Variants in SLC8B1 observed in about 807,000 individuals in gnomAD.
SLC8B1 encodes the protein solute carrier family 8 member B1, also known as mitochondrial sodium/calcium exchanger protein.
A neutral mutation model predicts 63.4 loss-of-function variants in SLC8B1; 52 were observed. That is an observed-to-expected ratio of 0.82 (90% CI 0.66 to 1.03). The LOEUF is 1.03. SLC8B1 is among the 50% of genes least tolerant of loss of function. The pLI is 0.00. For missense variants in SLC8B1, 657 were observed against 741.7 expected, an observed-to-expected ratio of 0.89 and a Z score of 1.33; for synonymous variants, 336 against 323.9, an observed-to-expected ratio of 1.04 and a Z score of -0.40.
intron 2 of SLC8B1, among the ~76,000 whole-genome samples, chr12:113,327,311 T>C (rs1308810007): frequency 6.6e-6 from 1 of 152,050 alleles, no homozygotes; most frequent in Non-Finnish European, 1.5e-5. Flanking sequence ...GTTGAAATTC[T>C]AATTTGCGTC....
chr12:113,327,710 C>T (rs538824528), intron 2 of SLC8B1, among the ~76,000 whole-genome samples: 4 of 149,678 alleles, frequency 2.7e-5, no homozygotes, highest in South Asian at 2.1e-4. Context: ...AGGCTGGGCG[C>T]GGTGGGTCAC....
At chr12:113,307,190 A>G (rs1042359301) in intron 13 of SLC8B1, among the ~76,000 whole-genome samples, 7 of 149,138 alleles carry the variant, frequency 4.7e-5, no homozygotes, top group African/African-American at 1.7e-4. Context: ...TCTGCTGGTA[A>G]CATGCACAGC....
intron 2 of SLC8B1, 133 bp downstream of exon 2, chr12:113,332,590 A>AT: frequency 9.1e-7 from 1 of 1,103,898 alleles, no homozygotes; most frequent in Non-Finnish European, 1.3e-6. Context: ...AGAGTAGTGA[A>AT]TTTTGTCTCT....
At chr12:113,313,206 G>A (rs1555274791) in intron 11 of SLC8B1, among the ~76,000 whole-genome samples, 1 of 151,882 alleles carries the variant, frequency 6.6e-6, no homozygotes, top group Non-Finnish European at 1.5e-5. Context: ...ATCGCTGGTC[G>A]GTGGTTTACT....
chr12:113,307,151 A>C (rs148841206), intron 13 of SLC8B1, among the ~76,000 whole-genome samples: 37 of 129,136 alleles, frequency 2.9e-4, no homozygotes, highest in South Asian at 2.3e-3. Flanking sequence ...AAAAAAAAAA[A>C]CTACGGCTAC....
At chr12:113,312,950 G>A (rs868541298) in intron 11 of SLC8B1, among the ~76,000 whole-genome samples, 14 of 151,892 alleles carry the variant, frequency 9.2e-5, no homozygotes, top group South Asian at 2.1e-4. Flanking sequence ...CTGTCGCCCA[G>A]GCTGGAGTGC....
In SLC8B1 at chr12:113,307,705, C is replaced by A. The variant is rs767718821; in HGVS notation, c.1397G>T (p.Gly466Val). The A allele has an allele frequency of 6.2e-7, 1 of 1,613,884 alleles. No individual in the cohort carries two copies. The highest frequency in any genetic ancestry group is 1.1e-5 in the South Asian group (1 of 91,052). Residue 466 changes from glycine to valine, a missense_variant, in exon 13 of 16, where the codon GGG becomes GTG. Physicochemically the swap from Gly to Val is moderately radical, Grantham distance 109 (BLOSUM62 -3). Coordinates refer to ENST00000680972, the MANE Select transcript of SLC8B1 (RefSeq NM_001358345.2). ...TVLGLTLLAW[G>V]NSIGDAFSDF... Reference sequence around the variant, plus strand: ...CCCTGAGTCACCTCCAATGCTGTTCCCCCAGGCCAGCAGCGTGAGCCCCAG... The same window carrying A: ...CCCTGAGTCACCTCCAATGCTGTTCACCCAGGCCAGCAGCGTGAGCCCCAG...
At chr12:113,315,567 C>G (rs959721876) in intron 10 of SLC8B1, 91 bp from the exon 11 acceptor site, 13 of 1,408,896 alleles carry the variant, frequency 9.2e-6, no homozygotes, top group Non-Finnish European at 9.4e-6. Context: ...AGAGCTCGGC[C>G]GTTCATTGCT....
At chr12:113,333,190 C>G (rs1957079925) in intron 1 of SLC8B1, among the ~76,000 whole-genome samples, 1 of 152,238 alleles carries the variant, frequency 6.6e-6, no homozygotes, top group South Asian at 2.1e-4. Context: ...AAAACCTACC[C>G]AGTCCCACCT....
intron 10 of SLC8B1, 72 bp from the exon 11 acceptor site, chr12:113,315,548 A>C: frequency 6.8e-7 from 1 of 1,463,368 alleles, no homozygotes; most frequent in Non-Finnish European, 9.1e-7. Context: ...GATGGACTTC[A>C]GTGACTCAAG....
At position 113,320,967 on chromosome 12, in the gene SLC8B1, T is replaced by C; in HGVS notation, c.363-60A>G. On this transcript the variant is annotated intron_variant, in intron 4 of 15. Transcript: ENST00000680972. The surrounding 1 kb of genome is among the most constrained non-coding windows in gnomAD (Gnocchi z 5.3). ...AGTAACCGGCCCCGGACCCCTATCC[T>C]TCCCCCAAACTGAGGGTGACCGAAT... 6.3e-7 allele frequency: 1 copy of C among 1,590,356 alleles called. No individual in the cohort carries two copies. Among genetic ancestry groups the C allele is most frequent in the Non-Finnish European group, 8.6e-7 (1 of 1,169,172 alleles).
Position 113,323,948 on chromosome 12 carries a change from C to A in SLC8B1, c.157-2600G>T, listed in dbSNP as rs1448143552. Among the ~76,000 whole-genome samples the A allele has an allele frequency of 2.0e-5, 3 of 152,160 alleles. No homozygotes were observed. In the East Asian group the frequency reaches 5.8e-4, roughly 29 times the overall value. ...TATCCCCTGAGCAGAGACTGAAACC[C>A]CCAGCCCTGCCCCAACCCCTCAATC... On this transcript the variant is annotated intron_variant, in intron 2 of 15. Transcript: ENST00000680972.
intron 12 of SLC8B1, among the ~76,000 whole-genome samples, chr12:113,309,919 A>C (rs1956732649): frequency 6.6e-6 from 1 of 152,058 alleles, no homozygotes; most frequent in Non-Finnish European, 1.5e-5. Context: ...GGGGTGATGA[A>C]ATTCTCTAAA....
intron 13 of SLC8B1, among the ~76,000 whole-genome samples, chr12:113,307,350 G>A (rs994118460): frequency 1.3e-5 from 2 of 152,066 alleles, no homozygotes; most frequent in African/African-American, 4.8e-5. Flanking sequence ...AAGGGTGTAT[G>A]TATGTAAGTG....
chr12:113,301,708 GA>G (rs1235231901), intron 15 of SLC8B1, among the ~76,000 whole-genome samples: 2 of 152,132 alleles, frequency 1.3e-5, no homozygotes, highest in African/African-American at 4.8e-5. Flanking sequence ...GGCATTGTGC[GA>G]AGGGCCTAAC....
chr12:113,320,735 C>A lies in SLC8B1; in HGVS notation c.421-49G>T. 1.3e-6 allele frequency: 2 copies of A among 1,591,304 alleles called. No individual in the cohort carries two copies. The highest frequency in any genetic ancestry group is 8.6e-7 in the Non-Finnish European group (1 of 1,168,640). ...GCCAGGATCGCAGCTGCAGCCCACC[C>A]AGGCCTTCGACCCTATCCCCCAGCT... On this transcript the variant is annotated intron_variant, in intron 5 of 15. Coordinates refer to ENST00000680972, the MANE Select transcript of SLC8B1 (RefSeq NM_001358345.2). This position sits in a 1 kb window ranked among gnomAD's most constrained non-coding sequence, Gnocchi z 5.3.
chr12:113,300,024 C>A (rs759606420), intron 15 of SLC8B1, 50 bp from the exon 16 acceptor site: 1 of 1,556,724 alleles, frequency 6.4e-7, no homozygotes, highest in Non-Finnish European at 8.8e-7. Context: ...GTCACAGGCC[C>A]CGCCCCGTCT....
chr12:113,306,764 T>A, intron 13 of SLC8B1, 189 bp from the exon 14 acceptor site: 1 of 578,930 alleles, frequency 1.7e-6, no homozygotes, highest in Non-Finnish European at 3.1e-6. Flanking sequence ...ACTTCCCTCC[T>A]TAATTCCTTT....
intron 15 of SLC8B1, 120 bp from the exon 16 acceptor site, chr12:113,300,094 A>C: frequency 2.7e-6 from 2 of 740,176 alleles, no homozygotes; most frequent in South Asian, 3.5e-5. Flanking sequence ...ATGCAGCCTC[A>C]GCAACAATGC....
Sources: allele counts gnomAD v4.1 joint callset (sites outside exome capture counted in the v4.1 genomes callset), GRCh38; gene constraint gnomAD v4.1.1; non-coding constraint Gnocchi (gnomAD v3.1); transcripts MANE v1.5; gene names NCBI Gene and HGNC (gene_info 2026-07-23, HGNC 2026-07-21).